DGKB: variants seen among roughly 807,000 people sequenced by gnomAD.
DGKB encodes the protein 90 kDa diacylglycerol kinase.
A neutral mutation model predicts 114.3 loss-of-function variants in DGKB; 67 were observed. The ratio of observed to expected loss-of-function variants is 0.59; its 90% confidence interval spans 0.48 to 0.72. DGKB has a LOEUF of 0.72. Ranked by LOEUF, DGKB falls within the 30% of genes least tolerant of loss-of-function variation. The pLI, the probability that DGKB is intolerant of heterozygous loss-of-function variation, is 0.00. For missense variants in DGKB, 907 were observed against 975.2 expected (o/e 0.93, Z 0.93); for synonymous variants, 398 against 323.1 (o/e 1.23, Z -2.49).
chr7:14,262,136 G>GT (rs1331480655), intron 23 of DGKB, among the ~76,000 whole-genome samples: 1 of 152,120 alleles, frequency 6.6e-6, no homozygotes, highest in Non-Finnish European at 1.5e-5. Flanking sequence ...AGATAATGAC[G>GT]TATCAGTTGA....
At chr7:14,216,797 G>C (rs1358438149) in intron 23 of DGKB, among the ~76,000 whole-genome samples, 1 of 151,578 alleles carries the variant, frequency 6.6e-6, no homozygotes, top group Non-Finnish European at 1.5e-5. Flanking sequence ...GTGTATGTGT[G>C]GGTGGGGAGG....
chr7:14,843,220 A>C (rs1341463028), intron 1 of DGKB, among the ~76,000 whole-genome samples: 1 of 151,904 alleles, frequency 6.6e-6, no homozygotes, highest in Non-Finnish European at 1.5e-5. Flanking sequence ...CTGTCTTAAA[A>C]AAAAAAAAAA....
Position 14,564,319 on chromosome 7 carries a change from G to C in DGKB, c.1770+9893C>G, listed in dbSNP as rs1797086071. ...CAAACTAACCTCTTCCTTCCTCTAA[G>C]TAAAGCTGGGGGTTGAGGGTTTTCT... On this transcript the variant is annotated intron_variant, in intron 20 of 25. Transcript: ENST00000402815. Among the ~76,000 whole-genome samples, 5 of 152,154 alleles carry C rather than the reference G, an allele frequency of 3.3e-5. No homozygotes were observed. In the South Asian group the frequency reaches 1.0e-3, roughly 31 times the overall value.
intron 21 of DGKB, among the ~76,000 whole-genome samples, chr7:14,462,942 T>C (rs2128872404): frequency 6.6e-6 from 1 of 152,090 alleles, no homozygotes; most frequent in African/African-American, 2.4e-5. Flanking sequence ...ATGCCACACA[T>C]TTACAACCAT....
intron 19 of DGKB, among the ~76,000 whole-genome samples, chr7:14,579,651 A>C (rs1405148576): frequency 6.6e-6 from 1 of 152,142 alleles, no homozygotes; most frequent in African/African-American, 2.4e-5. Flanking sequence ...GTATATTCTT[A>C]CTGAACATCC....
intron 10 of DGKB, among the ~76,000 whole-genome samples, chr7:14,683,259 T>C (rs147041995): frequency 2.4e-4 from 37 of 152,262 alleles, no homozygotes; most frequent in African/African-American, 8.9e-4. Flanking sequence ...TAAAAGCCCA[T>C]GAGTTTATGT....
At chr7:14,192,738 T>C (rs1784481085) in intron 23 of DGKB, among the ~76,000 whole-genome samples, 2 of 152,124 alleles carry the variant, frequency 1.3e-5, no homozygotes, top group Admixed American at 6.6e-5. Flanking sequence ...ACTTTATTTA[T>C]ATTATTACAT....
intron 23 of DGKB, among the ~76,000 whole-genome samples, chr7:14,304,340 C>T (rs777788080): frequency 2.0e-5 from 3 of 151,844 alleles, no homozygotes; most frequent in Admixed American, 6.6e-5. Flanking sequence ...TTTTATATTG[C>T]GGTGTTTTAT....
At chr7:14,667,495 T>A (rs1818245376) in intron 13 of DGKB, among the ~76,000 whole-genome samples, 1 of 152,020 alleles carries the variant, frequency 6.6e-6, no homozygotes, top group African/African-American at 2.4e-5. Context: ...ATTAACTGAG[T>A]CTGAACCTCA....
chr7:14,586,959 T>C (rs1056844419), intron 17 of DGKB, among the ~76,000 whole-genome samples: 1 of 152,154 alleles, frequency 6.6e-6, no homozygotes, highest in African/African-American at 2.4e-5. Context: ...GTTGTTTTCA[T>C]GCCTGCAAAC....
chr7:14,484,120 T>A (rs1358774291), intron 20 of DGKB, among the ~76,000 whole-genome samples: 1 of 152,020 alleles, frequency 6.6e-6, no homozygotes, highest in Non-Finnish European at 1.5e-5. Flanking sequence ...TAATTTGAAT[T>A]TGCATTATTT....
intron 1 of DGKB, among the ~76,000 whole-genome samples, chr7:14,899,292 C>T (rs184682057): frequency 1.7e-4 from 26 of 152,164 alleles, no homozygotes; most frequent in Non-Finnish European, 2.2e-4. Flanking sequence ...GGCCTTTCTC[C>T]GCCACTTGTC....
chr7:14,827,382 T>C (rs1036624557), intron 2 of DGKB, among the ~76,000 whole-genome samples: 19 of 151,440 alleles, frequency 1.3e-4, no homozygotes, highest in Admixed American at 8.6e-4. Context: ...AACTGAATAA[T>C]AGAGAGGCCT....
At chr7:14,759,017 T>C (rs779596303) in intron 2 of DGKB, among the ~76,000 whole-genome samples, 3 of 152,112 alleles carry the variant, frequency 2.0e-5, no homozygotes, top group Non-Finnish European at 4.4e-5. Context: ...CTCCATCTCC[T>C]GGGTTCAACC....
chr7:14,966,958 G>A (rs1232143892), intron 1 of DGKB, among the ~76,000 whole-genome samples: 2 of 152,076 alleles, frequency 1.3e-5, no homozygotes, highest in East Asian at 1.9e-4. Flanking sequence ...GAAATATTAT[G>A]CATGAATTGT....
At chr7:14,560,909 CGTT>C (rs1465549927) in intron 20 of DGKB, among the ~76,000 whole-genome samples, 2 of 152,068 alleles carry the variant, frequency 1.3e-5, no homozygotes, top group Non-Finnish European at 2.9e-5. Flanking sequence ...GATGATATCT[CGTT>C]GTGCTTTTGA....
At chr7:14,962,967 C>T (rs927627458) in intron 1 of DGKB, among the ~76,000 whole-genome samples, 1 of 152,034 alleles carries the variant, frequency 6.6e-6, no homozygotes, top group Admixed American at 6.6e-5. Context: ...AAGCCACTTG[C>T]TCAGTTGAGC....
intron 2 of DGKB, among the ~76,000 whole-genome samples, chr7:14,768,469 C>T (rs1836801441): frequency 6.6e-6 from 1 of 151,958 alleles, no homozygotes; most frequent in African/African-American, 2.4e-5. Context: ...TCTCCACATA[C>T]TTACTAGAAC....
In DGKB at chr7:14,714,660, A is replaced by G. The variant is rs146312089; in HGVS notation, c.466+3882T>C. Among the ~76,000 whole-genome samples, 245 of 152,306 alleles carry G rather than the reference A, an allele frequency of 1.6e-3. 2 individuals are homozygous for G. The highest frequency in any genetic ancestry group is 5.3e-3 in the African/African-American group (221 of 41,566). ...ATCTGGATTAATTTTTAACTAGAAAACTAGACAAGAGAAACACTGAGCACT... is the reference window on the plus strand; with the variant it reads ...ATCTGGATTAATTTTTAACTAGAAAGCTAGACAAGAGAAACACTGAGCACT... On this transcript the variant is annotated intron_variant, in intron 6 of 25. Transcript: ENST00000402815.
Sources: gnomAD v4.1 joint callset for allele counts (sites outside exome capture counted in the v4.1 genomes callset) on GRCh38, gnomAD v4.1.1 for gene constraint, MANE v1.5 for transcripts, NCBI Gene and HGNC (gene_info 2026-07-23, HGNC 2026-07-21) for gene names.